C14orf132: variants seen among roughly 807,000 people sequenced by gnomAD.
C14orf132 encodes the protein chromosome 14 open reading frame 132.
C14orf132 carries 6 observed loss-of-function variants against 5.8 expected under a neutral mutation model. The observed-to-expected ratio is 1.03, with a 90% CI of 0.57 to 2.04. C14orf132 has a LOEUF of 2.04. C14orf132 is among the 30% of genes most tolerant of loss of function. C14orf132 has a pLI of 0.00. For missense variants in C14orf132, 125 were observed against 115.8 expected (o/e 1.08, Z -0.37); for synonymous variants, 51 against 49.8 (o/e 1.02, Z -0.10).
At chr14:96,076,110 GT>G (rs1263003790) in intron 1 of C14orf132, among the ~76,000 whole-genome samples, 1 of 152,040 alleles carries the variant, frequency 6.6e-6, no homozygotes, top group Non-Finnish European at 1.5e-5. Flanking sequence ...GGACTGTGTG[GT>G]TTATCTTTTT....
intron 1 of C14orf132, among the ~76,000 whole-genome samples, chr14:96,043,486 G>T (rs1197132705): frequency 6.6e-6 from 1 of 152,118 alleles, no homozygotes; most frequent in South Asian, 2.1e-4. Context: ...GCACTGTCCC[G>T]TCCCTGCAGT....
At chr14:96,047,370 T>C (rs1017868591) in intron 1 of C14orf132, among the ~76,000 whole-genome samples, 2 of 152,210 alleles carry the variant, frequency 1.3e-5, no homozygotes, top group East Asian at 3.9e-4. Context: ...CAGTCTCCAA[T>C]GAAATGCTTG....
intron 1 of C14orf132, among the ~76,000 whole-genome samples, chr14:96,085,665 T>G (rs890764001): frequency 6.6e-6 from 1 of 152,242 alleles, no homozygotes; most frequent in African/African-American, 2.4e-5. Flanking sequence ...AGGTATACAG[T>G]GTTCATACTC....
chr14:96,050,823 A>C (rs891487259), intron 1 of C14orf132, among the ~76,000 whole-genome samples: 1 of 152,038 alleles, frequency 6.6e-6, no homozygotes, highest in Admixed American at 6.5e-5. Context: ...CGGTGTCTTG[A>C]AAATCATTTT....
intron 1 of C14orf132, among the ~76,000 whole-genome samples, chr14:96,069,649 A>G (rs1228355939): frequency 6.6e-6 from 1 of 151,292 alleles, no homozygotes; most frequent in Non-Finnish European, 1.5e-5. Context: ...ACTGGCTTCA[A>G]AGGCCCAGGA....
intron 1 of C14orf132, among the ~76,000 whole-genome samples, chr14:96,083,082 A>G (rs1888076419): frequency 6.6e-6 from 1 of 152,206 alleles, no homozygotes. Context: ...GGTGCAGGGC[A>G]AAGGGGACTC....
intron 1 of C14orf132, among the ~76,000 whole-genome samples, chr14:96,062,611 C>T (rs1278158469): frequency 1.3e-5 from 2 of 152,126 alleles, no homozygotes; most frequent in Non-Finnish European, 2.9e-5. Context: ...GTCCTCCTGC[C>T]CAGCTCCCTG....
intron 1 of C14orf132, among the ~76,000 whole-genome samples, chr14:96,083,592 A>G (rs1888091248): frequency 6.6e-6 from 1 of 152,194 alleles, no homozygotes. Context: ...CTGGCTTTGA[A>G]GATGGAGGAA....
chr14:96,075,391 A>C lies in C14orf132; in HGVS notation c.28-11120A>C, dbSNP rs530975227. 3.3e-5 allele frequency among the ~76,000 whole-genome samples: 5 copies of C among 152,262 alleles called. No individual in the cohort carries two copies. In the South Asian group the frequency reaches 8.3e-4, roughly 25 times the overall value. ...TTCTTTATATATAAGGCATCTCTAT[A>C]TATATATGACTTTTATTTCTTTTTC... On this transcript the variant is annotated intron_variant, in intron 1 of 1. Coordinates refer to ENST00000555004, the MANE Select transcript of C14orf132 (RefSeq NM_001252507.3).
At chr14:96,075,670 C>T (rs1887841442) in intron 1 of C14orf132, among the ~76,000 whole-genome samples, 1 of 152,182 alleles carries the variant, frequency 6.6e-6, no homozygotes, top group African/African-American at 2.4e-5. Flanking sequence ...GCTTTTTCTG[C>T]ATCTACTGAT....
chr14:96,057,771 G>A, intron 1 of C14orf132, among the ~76,000 whole-genome samples: 2 of 152,108 alleles, frequency 1.3e-5, no homozygotes, highest in East Asian at 3.9e-4. Flanking sequence ...TAGACATCCT[G>A]GGAGAGAATC....
chr14:96,046,198 G>T (rs1313025031), intron 1 of C14orf132, among the ~76,000 whole-genome samples: 1 of 152,174 alleles, frequency 6.6e-6, no homozygotes, highest in Non-Finnish European at 1.5e-5. Context: ...CTCCAGGCCA[G>T]CCCAGATTTA....
At chr14:96,060,060 A>G (rs1348042200) in intron 1 of C14orf132, among the ~76,000 whole-genome samples, 2 of 152,152 alleles carry the variant, frequency 1.3e-5, no homozygotes, top group African/African-American at 4.8e-5. Flanking sequence ...TGGATTCAGA[A>G]TCCCCTTCCC....
intron 1 of C14orf132, among the ~76,000 whole-genome samples, chr14:96,056,720 TG>T (rs1178780786): frequency 2.0e-5 from 3 of 152,102 alleles, no homozygotes; most frequent in African/African-American, 4.8e-5. Context: ...GCAGGTTGAG[TG>T]GGTAGACCCT....
At chr14:96,063,429 C>T (rs1458178496) in intron 1 of C14orf132, among the ~76,000 whole-genome samples, 1 of 152,128 alleles carries the variant, frequency 6.6e-6, no homozygotes, top group African/African-American at 2.4e-5. Flanking sequence ...CTGCCTCAGC[C>T]TCCCCAGTAG....
rs55648129 is a variant in C14orf132, at chr14:96,069,256, CATATATATATAT to C, written c.28-17216_28-17205del. ...ATATGTTATTGGTTCTGTTTATGTT[CATATATATATAT>C]ATATATATATATATATATATATATA... On this transcript the variant is annotated intron_variant, in intron 1 of 1. Coordinates refer to ENST00000555004, the MANE Select transcript of C14orf132 (RefSeq NM_001252507.3). Among the ~76,000 whole-genome samples, 144 of 95,242 alleles carry C rather than the reference CATATATATATAT, an allele frequency of 1.5e-3. 1 individual carries two copies. Among genetic ancestry groups the C allele is most frequent in the Middle Eastern group, 6.3e-3 (1 of 160 alleles). The allele number at this position is 95,242 out of a possible 152,430, so 62.5% of individuals were successfully genotyped here. A position where few individuals can be genotyped will look rare whatever the true frequency, so the allele number is the denominator to read the frequency against.
chr14:96,075,946 T>G (rs955931038), intron 1 of C14orf132, among the ~76,000 whole-genome samples: 1 of 152,206 alleles, frequency 6.6e-6, no homozygotes, highest in Non-Finnish European at 1.5e-5. Flanking sequence ...TAAAATGAGT[T>G]GGAAAATGTT....
Position 96,090,306 on chromosome 14 carries a change from T to G in C14orf132, c.*3571T>G, listed in dbSNP as rs1038487826. The G allele has an allele frequency of 4.9e-6, 1 of 204,888 alleles. No individual in the cohort carries two copies. Among genetic ancestry groups the G allele is most frequent in the African/African-American group, 2.4e-5 (1 of 41,652 alleles). 12.7% of individuals were successfully genotyped at this position (204,888 alleles called of 1,614,324 possible). On this transcript the variant is annotated 3_prime_UTR_variant, in exon 2 of 2. Transcript: ENST00000555004. Reference sequence around the variant, plus strand: ...ACTCAGGAGGCTGACACAGGAGAATTGCTTGAACCAGGAGGCGGAGGCTGC... The same window carrying G: ...ACTCAGGAGGCTGACACAGGAGAATGGCTTGAACCAGGAGGCGGAGGCTGC...
intron 1 of C14orf132, among the ~76,000 whole-genome samples, chr14:96,057,957 C>T (rs1003788125): frequency 2.0e-5 from 3 of 152,192 alleles, no homozygotes; most frequent in African/African-American, 7.2e-5. Flanking sequence ...CATAACTGAC[C>T]ATACTGACCA....
Sources: allele counts gnomAD v4.1 joint callset (sites outside exome capture counted in the v4.1 genomes callset), GRCh38; gene constraint gnomAD v4.1.1; transcripts MANE v1.5; gene names NCBI Gene and HGNC (gene_info 2026-07-23, HGNC 2026-07-21).